ARL17A: variants seen among roughly 807,000 people sequenced by gnomAD.
ARL17A encodes ADP-ribosylation factor-like 17-like.
chr17:46,543,531 C>T (rs1398705278), intron 3 of ARL17A, among the ~76,000 whole-genome samples: 1 of 150,854 alleles, frequency 6.6e-6, no homozygotes, highest in East Asian at 1.9e-4. Context: ...TATGAAGTTC[C>T]ATTGAGTGAT....
the ARL17A span, among the ~76,000 whole-genome samples, chr17:46,501,313 C>A: frequency 8.6e-5 from 13 of 151,198 alleles, no homozygotes; most frequent in Admixed American, 8.5e-4. Context: ...GTAGCTGGGA[C>A]CACAGGCATG....
chr17:46,544,675 C>T (rs1183078666), intron 3 of ARL17A, among the ~76,000 whole-genome samples: 1 of 80,976 alleles, frequency 1.2e-5, no homozygotes, highest in Non-Finnish European at 2.2e-5. Context: ...CCATGCTATA[C>T]TGCCTAAGAT....
chr17:46,558,177 A>T (rs2057386586), intron 3 of ARL17A, among the ~76,000 whole-genome samples: 1 of 112,008 alleles, frequency 8.9e-6, no homozygotes, highest in Non-Finnish European at 1.8e-5. Flanking sequence ...CTCCTGCCTC[A>T]GCCTCCCTAG....
chr17:46,544,613 G>T (rs767739561), intron 3 of ARL17A, among the ~76,000 whole-genome samples: 8,057 of 44,106 alleles, frequency 0.18, no homozygotes, highest in Non-Finnish European at 0.22. Context: ...CACATTATTA[G>T]CAGAGCTGAG....
At chr17:46,550,324 AAAAG>A, downstream of ARL17A, 5 of 340,640 alleles carry the variant, frequency 1.5e-5, no homozygotes, top group Middle Eastern at 1.2e-3. Context: ...AAAAAAATAA[AAAAG>A]AACCTGTCAG....
intron 2 of ARL17A, among the ~76,000 whole-genome samples, chr17:46,575,433 A>G (rs1463146322): frequency 6.6e-6 from 1 of 151,378 alleles, no homozygotes; most frequent in Non-Finnish European, 1.5e-5. Context: ...TACTTGGTGT[A>G]GAGATGAGAT....
chr17:46,543,892 G>T (rs1194400808), intron 3 of ARL17A, among the ~76,000 whole-genome samples: 1 of 149,094 alleles, frequency 6.7e-6, no homozygotes, highest in African/African-American at 2.6e-5. Flanking sequence ...CAAAGAGAGA[G>T]GGTTGCTTGT....
At chr17:46,532,105 A>T (rs2053736693) in intron 4 of ARL17A, among the ~76,000 whole-genome samples, 1 of 150,282 alleles carries the variant, frequency 6.7e-6, no homozygotes, top group Admixed American at 6.6e-5. Flanking sequence ...CAGCACGTTT[A>T]TCAGGCTGCT....
chr17:46,501,891 C>T, the ARL17A span, among the ~76,000 whole-genome samples: 1 of 151,324 alleles, frequency 6.6e-6, no homozygotes, highest in African/African-American at 2.5e-5. Context: ...GTATACTATA[C>T]CCACTTTTGT....
In ARL17A at chr17:46,532,088, G is replaced by A. The variant is rs1348490983; in HGVS notation, c.336-3229C>T. Among the ~76,000 whole-genome samples, 6 of 150,382 alleles carry A rather than the reference G, an allele frequency of 4.0e-5. 1 individual carries two copies. Among genetic ancestry groups the A allele is most frequent in the Admixed American group, 6.6e-5 (1 of 15,190 alleles). ...AACAGAGTGAGACTCCAATGGAGAC[G>A]GGGTTTCAGCACGTTTATCAGGCTG... On this transcript the variant is annotated intron_variant, in intron 4 of 4. Transcript: ENST00000329240.
chr17:46,532,158 C>G lies in ARL17A; in HGVS notation c.336-3299G>C, dbSNP rs947287429. 1.0e-4 allele frequency among the ~76,000 whole-genome samples: 15 copies of G among 149,490 alleles called. 1 individual carries two copies. Among genetic ancestry groups the G allele is most frequent in the Non-Finnish European group, 2.9e-5 (2 of 67,896 alleles). On this transcript the variant is annotated intron_variant, in intron 4 of 4. Transcript: ENST00000329240. Reference sequence around the variant, plus strand: ...AGATGATCCACCTGCTTCAGCCTCCCAAAATGCTGGGATTACAGGCATGAG... The same window carrying G: ...AGATGATCCACCTGCTTCAGCCTCCGAAAATGCTGGGATTACAGGCATGAG...
At chr17:46,545,454 AAAT>A (rs1460434329) in intron 3 of ARL17A, among the ~76,000 whole-genome samples, 1 of 106,446 alleles carries the variant, frequency 9.4e-6, no homozygotes, top group Admixed American at 1.0e-4. Flanking sequence ...TAAAAATAAA[AAAT>A]AATAATTTTC....
downstream of ARL17A, chr17:46,548,548 C>A: frequency 6.8e-7 from 1 of 1,478,120 alleles, no homozygotes; most frequent in Middle Eastern, 2.4e-4. Flanking sequence ...TGTGAAATCA[C>A]TGTTACTACC....
intron 4 of ARL17A, among the ~76,000 whole-genome samples, chr17:46,532,367 G>C (rs1229862561): frequency 1.3e-5 from 2 of 150,248 alleles, no homozygotes; most frequent in African/African-American, 5.0e-5. Flanking sequence ...AAGAAATACT[G>C]GTCTGTAATT....
chr17:46,532,421 C>A (rs959782167), intron 4 of ARL17A, among the ~76,000 whole-genome samples: 1 of 149,914 alleles, frequency 6.7e-6, no homozygotes, highest in Admixed American at 6.6e-5. Flanking sequence ...GTTAATATCA[C>A]CCTCATAGAA....
In ARL17A at chr17:46,552,774, T is replaced by C. The variant is rs1346879844; in HGVS notation, c.*4582A>G. The C allele has an allele frequency of 1.8e-5, 2 of 109,624 alleles. No individual in the cohort carries two copies. Among genetic ancestry groups the C allele is most frequent in the African/African-American group, 3.8e-5 (1 of 26,420 alleles). 6.8% of individuals were successfully genotyped at this position (109,624 alleles called of 1,614,324 possible). ...AACTGTCAACAATGTACAATATGTA[T>C]ACATTTTATTAGTGATGACTTAAAT... On this transcript the variant is annotated 3_prime_UTR_variant, in exon 4 of 4. Transcript: ENST00000336125.
rs1306205634 is a variant in ARL17A at position 46,575,111 on chromosome 17, A to G, written c.148+1064T>C. ...GACTCTATCTCAAAAAAAAAAAAAA[A>G]GAAAGTTGATCATTTGAGTCCTGTG... On this transcript the variant is annotated intron_variant, in intron 2 of 3. Coordinates refer to ENST00000336125, the MANE Select transcript of ARL17A (RefSeq NM_001113738.2). Among the ~76,000 whole-genome samples, 5 of 100,452 alleles carry G rather than the reference A, an allele frequency of 5.0e-5. No homozygotes were observed. In the East Asian group the frequency reaches 1.1e-3, roughly 23 times the overall value. The allele number at this position is 100,452 out of a possible 152,430, so 65.9% of individuals were successfully genotyped here.
chr17:46,516,316 A>T (rs2051310345), downstream of ARL17A, among the ~76,000 whole-genome samples: 2 of 81,986 alleles, frequency 2.4e-5, 1 homozygote, highest in African/African-American at 7.8e-5. Flanking sequence ...AAAAAAAATG[A>T]TAGGAGGGAA....
chr17:46,537,089 T>A (rs1316422606), intron 4 of ARL17A, among the ~76,000 whole-genome samples: 2 of 80,872 alleles, frequency 2.5e-5, no homozygotes, highest in African/African-American at 1.6e-4. Flanking sequence ...TTTTTTTTTT[T>A]TTTTTTTTTT....
Sources: gnomAD v4.1 joint callset for allele counts (sites outside exome capture counted in the v4.1 genomes callset) on GRCh38, gnomAD v4.1.1 for gene constraint, MANE v1.5 for transcripts, NCBI Gene and HGNC (gene_info 2026-07-23, HGNC 2026-07-21) for gene names.